Variants in SUPT3H observed in about 807,000 individuals in gnomAD.
SUPT3H encodes SPT3 homolog, SAGA and STAGA complex component.
SUPT3H carries 44 observed loss-of-function variants against 44.3 expected under a neutral mutation model. That is an observed-to-expected ratio of 0.99 (90% CI 0.78 to 1.28). The LOEUF (loss-of-function observed/expected upper bound fraction) is 1.28, where lower values mean the gene tolerates loss of function less well. Ranked by LOEUF, SUPT3H falls within the 50% of genes most tolerant of loss-of-function variation. The pLI is 0.00. For missense variants in SUPT3H, 380 were observed against 387.1 expected (o/e 0.98, Z 0.15); for synonymous variants, 124 against 125.6 (o/e 0.99, Z 0.09).
At chr6:45,309,571 A>T (rs1268779356) in intron 2 of SUPT3H, among the ~76,000 whole-genome samples, 1 of 152,112 alleles carries the variant, frequency 6.6e-6, no homozygotes. Context: ...AAAGTGATAG[A>T]AATCTTATTT....
chr6:45,176,314 G>T (rs573543406), intron 2 of SUPT3H, among the ~76,000 whole-genome samples: 26 of 151,748 alleles, frequency 1.7e-4, no homozygotes, highest in Admixed American at 2.6e-4. Context: ...AAGGGGTGAC[G>T]GACGCACCTG....
chr6:44,969,722 G>A (rs150321372), intron 6 of SUPT3H, among the ~76,000 whole-genome samples: 1 of 152,280 alleles, frequency 6.6e-6, no homozygotes, highest in Non-Finnish European at 1.5e-5. Flanking sequence ...GGTTTGACCT[G>A]CAATTTTCAC....
rs1036820662 is a variant in SUPT3H at position 44,982,515 on chromosome 6, C to T, written c.505-20687G>A. 1.9e-4 allele frequency among the ~76,000 whole-genome samples: 29 copies of T among 152,170 alleles called. 1 individual carries two copies. The highest frequency in any genetic ancestry group is 7.7e-4 in the East Asian group (4 of 5,176). ...CAGGCGTGAGCCACCATGCCCAGCC[C>T]GATTCTTTATATAGAAGAAATGTCA... is the stretch of plus-strand genomic sequence containing the variant. On this transcript the variant is annotated intron_variant, in intron 6 of 10. Coordinates refer to ENST00000371459, the MANE Select transcript of SUPT3H (RefSeq NM_003599.4).
At chr6:45,252,543 T>C (rs1772556090) in intron 2 of SUPT3H, among the ~76,000 whole-genome samples, 1 of 151,944 alleles carries the variant, frequency 6.6e-6, no homozygotes, top group Non-Finnish European at 1.5e-5. Context: ...TGCAGTTCTG[T>C]CCAATAGAAT....
intron 2 of SUPT3H, among the ~76,000 whole-genome samples, chr6:45,138,931 C>T (rs1804743862): frequency 6.6e-6 from 1 of 152,170 alleles, no homozygotes; most frequent in South Asian, 2.1e-4. Context: ...TACTGCAACA[C>T]TGACTTCAAG....
chr6:45,320,560 T>C (rs1785335022), intron 2 of SUPT3H, among the ~76,000 whole-genome samples: 1 of 151,996 alleles, frequency 6.6e-6, no homozygotes, highest in Admixed American at 6.6e-5. Context: ...ATTATAGGTG[T>C]GAACCACCAT....
intron 9 of SUPT3H, among the ~76,000 whole-genome samples, chr6:44,941,079 G>C (rs1772343362): frequency 6.6e-6 from 1 of 152,090 alleles, no homozygotes. Context: ...ATATTGATAA[G>C]TGAGGTTTTG....
chr6:45,237,648 C>A (rs1222631509), intron 2 of SUPT3H, among the ~76,000 whole-genome samples: 1 of 152,088 alleles, frequency 6.6e-6, no homozygotes, highest in African/African-American at 2.4e-5. Context: ...GCCTCCAGAA[C>A]CTATACCTTT....
intron 2 of SUPT3H, among the ~76,000 whole-genome samples, chr6:45,116,223 CCTT>C (rs932892151): frequency 2.0e-5 from 3 of 152,144 alleles, no homozygotes; most frequent in African/African-American, 7.2e-5. Context: ...CCCTTCCTCT[CCTT>C]CTTCTCACAT....
chr6:45,036,973 A>C (rs1030897018), intron 3 of SUPT3H, among the ~76,000 whole-genome samples: 8 of 152,166 alleles, frequency 5.3e-5, no homozygotes, highest in African/African-American at 1.9e-4. Flanking sequence ...AGAATCTAGG[A>C]GAGGTATTCC....
chr6:44,909,124 GGTGTGT>G (rs747035626), intron 10 of SUPT3H, among the ~76,000 whole-genome samples: 207 of 117,132 alleles, frequency 1.8e-3, no homozygotes, highest in African/African-American at 6.2e-3. Context: ...ATACCTAAGA[GGTGTGT>G]GTGTGTGTGT....
chr6:44,813,247 G>A (rs1291593416), intron 11 of SUPT3H, among the ~76,000 whole-genome samples: 8 of 152,164 alleles, frequency 5.3e-5, no homozygotes, highest in East Asian at 3.9e-4. Context: ...GTGCGGTGGT[G>A]CAATCATAAC....
intron 6 of SUPT3H, among the ~76,000 whole-genome samples, chr6:44,993,427 ATTAACTGAAAAATGCCTTCTCCAGAAGGC>A (rs71825603): frequency 0.21 from 31,326 of 152,058 alleles, 3,928 homozygotes; most frequent in Non-Finnish European, 0.29. Flanking sequence ...TTTTTATTTC[ATTAACTGAAAAATGCCTTCTCCAGAAGGC>A]ACTTTCCCCA....
chr6:44,856,781 C>T lies in SUPT3H; in HGVS notation c.913-26924G>A, dbSNP rs573888803. On this transcript the variant is annotated intron_variant, in intron 10 of 10. Transcript: ENST00000371459. ...AACACATGAACACAAACGTAGGGCA[C>T]GGCAACATGACATAACTTTTAAAAA... is the stretch of plus-strand genomic sequence containing the variant. Among the ~76,000 whole-genome samples, 6 of 152,130 alleles carry T rather than the reference C, an allele frequency of 3.9e-5. No homozygotes were observed. The South Asian group carries it at 6.2e-4, about 16-fold the overall frequency.
chr6:45,237,596 G>A (rs540033140), intron 2 of SUPT3H, among the ~76,000 whole-genome samples: 28 of 152,090 alleles, frequency 1.8e-4, no homozygotes, highest in Admixed American at 1.3e-4. Flanking sequence ...CAAAGTTCCC[G>A]CCAAGGTTTA....
intron 2 of SUPT3H, among the ~76,000 whole-genome samples, chr6:45,217,933 A>T (rs1765365285): frequency 6.6e-6 from 1 of 152,042 alleles, no homozygotes; most frequent in Admixed American, 6.6e-5. Context: ...ATATGAAGCA[A>T]GGTGGAATCT....
Position 45,161,791 on chromosome 6 carries a change from C to G in SUPT3H, c.102-55785G>C, listed in dbSNP as rs139571691. ...TCTCTCGAATTTTTTCAGCATCACA[C>G]AAGTAGACATTTTATTTTATATGGC... On this transcript the variant is annotated intron_variant, in intron 2 of 10. Coordinates refer to ENST00000371459, the MANE Select transcript of SUPT3H (RefSeq NM_003599.4). 3.3e-5 allele frequency among the ~76,000 whole-genome samples: 5 copies of G among 152,216 alleles called. No individual in the cohort carries two copies. The East Asian group carries it at 7.7e-4, about 23-fold the overall frequency.
intron 3 of SUPT3H, among the ~76,000 whole-genome samples, chr6:45,030,894 C>T (rs892313890): frequency 1.3e-5 from 2 of 152,154 alleles, no homozygotes; most frequent in African/African-American, 2.4e-5. Context: ...CAAGGATCTG[C>T]TATGAAACTC....
At chr6:44,981,445 A>T in intron 6 of SUPT3H, among the ~76,000 whole-genome samples, 1 of 152,240 alleles carries the variant, frequency 6.6e-6, no homozygotes, top group Non-Finnish European at 1.5e-5. Context: ...ATACGATTCC[A>T]ACCCAATCCC....
Sources: allele counts gnomAD v4.1 joint callset (sites outside exome capture counted in the v4.1 genomes callset), GRCh38; gene constraint gnomAD v4.1.1; transcripts MANE v1.5; gene names NCBI Gene and HGNC (gene_info 2026-07-23, HGNC 2026-07-21).